The following CNOT4 variants were observed in gnomAD, a reference collection of about 807,000 sequenced individuals.
The protein encoded by CNOT4 is CCR4-associated factor 4.
In CNOT4, 8 loss-of-function variants were observed where a neutral mutation model predicts 73.8. That is an observed-to-expected ratio of 0.11 (90% CI 0.06 to 0.20). The LOEUF is 0.20. Among genes scored for constraint, CNOT4 ranks in the 10% least tolerant of loss-of-function variants. CNOT4 has a pLI of 1.00. For missense variants in CNOT4, 564 were observed against 883.4 expected (o/e 0.64, Z 4.58); for synonymous variants, 293 against 321.1 (o/e 0.91, Z 0.94).
intron 2 of CNOT4, among the ~76,000 whole-genome samples, chr7:135,435,227 A>G (rs1009035552): frequency 6.6e-6 from 1 of 152,156 alleles, no homozygotes; most frequent in Non-Finnish European, 1.5e-5. Flanking sequence ...CTTCACACTC[A>G]CAGGGCCCTT....
intron 1 of CNOT4, among the ~76,000 whole-genome samples, chr7:135,477,993 C>A (rs962406408): frequency 4.6e-5 from 7 of 151,926 alleles, no homozygotes; most frequent in Admixed American, 1.3e-4. Context: ...TTAACATGCA[C>A]AAATATGTAT....
intron 7 of CNOT4, among the ~76,000 whole-genome samples, chr7:135,408,311 TA>T (rs1797405917): frequency 6.6e-6 from 1 of 152,126 alleles, no homozygotes. Context: ...TACATAGCCA[TA>T]AAAAATTATG....
chr7:135,457,496 CAACT>C (rs1426302376), intron 1 of CNOT4, among the ~76,000 whole-genome samples: 2 of 151,958 alleles, frequency 1.3e-5, no homozygotes, highest in African/African-American at 4.8e-5. Flanking sequence ...TTTCTTTGGA[CAACT>C]AACTATCATT....
At chr7:135,395,230 A>T (rs1249922464) in intron 9 of CNOT4, among the ~76,000 whole-genome samples, 1 of 152,044 alleles carries the variant, frequency 6.6e-6, no homozygotes, top group East Asian at 1.9e-4. Context: ...CAAAAAATTT[A>T]AAAATTAACC....
intron 1 of CNOT4, among the ~76,000 whole-genome samples, chr7:135,490,891 C>CT (rs1223272985): frequency 6.6e-6 from 1 of 152,218 alleles, no homozygotes; most frequent in African/African-American, 2.4e-5. Flanking sequence ...TGCCATTACC[C>CT]AGCAAGAGAT....
intron 7 of CNOT4, among the ~76,000 whole-genome samples, chr7:135,409,789 C>A (rs536805966): frequency 1.3e-5 from 2 of 151,968 alleles, no homozygotes; most frequent in East Asian, 3.8e-4. Flanking sequence ...AAACCTAACA[C>A]ATCAAATTTA....
chr7:135,497,145 C>A, intron 1 of CNOT4, among the ~76,000 whole-genome samples: 1 of 151,776 alleles, frequency 6.6e-6, no homozygotes, highest in South Asian at 2.1e-4. Context: ...TGGTGGCTCA[C>A]GCCTATAATC....
chr7:135,385,317 G>T (rs1302760355), intron 10 of CNOT4, among the ~76,000 whole-genome samples: 3 of 152,086 alleles, frequency 2.0e-5, no homozygotes, highest in Non-Finnish European at 2.9e-5. Flanking sequence ...TCTCCTTACT[G>T]CCCTATCCCA....
intron 10 of CNOT4, among the ~76,000 whole-genome samples, chr7:135,367,939 C>T (rs1016614751): frequency 7.2e-5 from 11 of 151,900 alleles, no homozygotes; most frequent in African/African-American, 2.4e-4. Context: ...CTTAAGGAAT[C>T]GATAATATAT....
At chr7:135,480,172 T>G (rs901592817) in intron 1 of CNOT4, among the ~76,000 whole-genome samples, 1 of 152,222 alleles carries the variant, frequency 6.6e-6, no homozygotes, top group Non-Finnish European at 1.5e-5. Context: ...CAATAATTTC[T>G]AGTAGTCTGG....
chr7:135,371,575 T>C (rs935386825), intron 10 of CNOT4, among the ~76,000 whole-genome samples: 10 of 152,162 alleles, frequency 6.6e-5, no homozygotes, highest in Non-Finnish European at 1.5e-4. Context: ...TATAAGTAGA[T>C]GTGTTTGGCA....
At chr7:135,439,623 T>G (rs1191145065) in intron 1 of CNOT4, among the ~76,000 whole-genome samples, 1 of 151,990 alleles carries the variant, frequency 6.6e-6, no homozygotes, top group Non-Finnish European at 1.5e-5. Context: ...CTATAACAAA[T>G]TTTAAAATTA....
intron 10 of CNOT4, among the ~76,000 whole-genome samples, chr7:135,379,827 G>A (rs1166374432): frequency 6.6e-6 from 1 of 152,160 alleles, no homozygotes; most frequent in African/African-American, 2.4e-5. Flanking sequence ...CAGACTTCTT[G>A]CAAATGCCAA....
chr7:135,400,609 A>C (rs2129483638), intron 7 of CNOT4, among the ~76,000 whole-genome samples: 1 of 152,256 alleles, frequency 6.6e-6, no homozygotes, highest in Middle Eastern at 3.4e-3. Flanking sequence ...ATAAAAAACA[A>C]ATCTTAAGGA....
chr7:135,471,627 A>G lies in CNOT4; in HGVS notation c.-92-33204T>C, dbSNP rs534734876. On this transcript the variant is annotated intron_variant, in intron 1 of 11. Coordinates refer to ENST00000541284, the MANE Select transcript of CNOT4 (RefSeq NM_001190850.2). ...AATTATCTATTTTATGTATATATGT[A>G]TGTATTTAATTATTGTCTTTTATCA... 2.4e-4 allele frequency among the ~76,000 whole-genome samples: 36 copies of G among 152,340 alleles called. 1 individual carries two copies. In the South Asian group the frequency reaches 7.5e-3, roughly 32 times the overall value.
chr7:135,450,192 G>T (rs534889153), intron 1 of CNOT4, among the ~76,000 whole-genome samples: 10 of 152,156 alleles, frequency 6.6e-5, no homozygotes, highest in Non-Finnish European at 1.3e-4. Context: ...AAAGAGAAAT[G>T]AGGCTAAATT....
intron 10 of CNOT4, among the ~76,000 whole-genome samples, chr7:135,376,193 CA>C (rs1795508788): frequency 6.6e-6 from 1 of 152,112 alleles, no homozygotes; most frequent in African/African-American, 2.4e-5. Context: ...CAGATTAACA[CA>C]AAACACATCC....
At chr7:135,411,658 T>G (rs1372761215) in intron 6 of CNOT4, among the ~76,000 whole-genome samples, 10 of 152,028 alleles carry the variant, frequency 6.6e-5, no homozygotes. Context: ...ATATCTAGAC[T>G]GGAAGAATAG....
chr7:135,397,463 C>T (rs1297171188), intron 8 of CNOT4, among the ~76,000 whole-genome samples: 1 of 152,002 alleles, frequency 6.6e-6, no homozygotes, highest in African/African-American at 2.4e-5. Context: ...GTCATTAAAA[C>T]GTTTAGAAAA....
Sources: allele counts gnomAD v4.1 joint callset (sites outside exome capture counted in the v4.1 genomes callset), GRCh38; gene constraint gnomAD v4.1.1; transcripts MANE v1.5; gene names NCBI Gene and HGNC (gene_info 2026-07-23, HGNC 2026-07-21).